Variants in LRBA observed in about 807,000 individuals in gnomAD.
The protein encoded by LRBA is LPS responsive beige-like anchor protein.
In LRBA, 176 loss-of-function variants were observed where a neutral mutation model predicts 330.0. The ratio of observed to expected loss-of-function variants is 0.53; its 90% CI spans 0.47 to 0.60. The LOEUF (loss-of-function observed/expected upper bound fraction) is 0.60. Ranked by LOEUF, LRBA falls within the 20% of genes least tolerant of loss-of-function variation. The pLI is 0.00. For missense variants in LRBA, 3,259 were observed against 3,444.8 expected (o/e 0.95, Z 1.35); for synonymous variants, 1,230 against 1,193.0 (o/e 1.03, Z -0.64).
intron 40 of LRBA, among the ~76,000 whole-genome samples, chr4:150,553,457 A>C (rs1006369568): frequency 6.6e-6 from 1 of 152,032 alleles, no homozygotes; most frequent in Non-Finnish European, 1.5e-5. Context: ...CCTAGAACTT[A>C]AAGTACAAAA....
chr4:150,287,568 C>T (rs1363329031), intron 53 of LRBA, among the ~76,000 whole-genome samples: 2 of 152,200 alleles, frequency 1.3e-5, no homozygotes, highest in Admixed American at 6.5e-5. Context: ...TACCAGAGTA[C>T]ATAATGCACG....
intron 48 of LRBA, among the ~76,000 whole-genome samples, chr4:150,347,367 CA>C (rs975284906): frequency 6.6e-6 from 1 of 152,014 alleles, no homozygotes. Flanking sequence ...TAAAAATGGC[CA>C]GGGGCAGTGG....
chr4:150,290,982 T>A (rs1175536363), intron 53 of LRBA, among the ~76,000 whole-genome samples: 1 of 152,046 alleles, frequency 6.6e-6, no homozygotes, highest in East Asian at 1.9e-4. Context: ...ATACTTTAAG[T>A]TTTAGGGTAC....
intron 34 of LRBA, among the ~76,000 whole-genome samples, chr4:150,768,481 A>C (rs910895498): frequency 9.2e-5 from 14 of 152,210 alleles, no homozygotes; most frequent in Non-Finnish European, 2.9e-5. Flanking sequence ...GAAAAGTTAT[A>C]ATTAAGGAAA....
chr4:150,490,804 C>A, intron 41 of LRBA, 114 bp downstream of exon 41: 1 of 522,212 alleles, frequency 1.9e-6, no homozygotes, highest in East Asian at 3.0e-5. Flanking sequence ...GTCACTAGAA[C>A]AGAAGGTGGG....
At chr4:150,427,618 A>C (rs964140539) in intron 46 of LRBA, among the ~76,000 whole-genome samples, 6 of 152,032 alleles carry the variant, frequency 3.9e-5, no homozygotes, top group Admixed American at 3.9e-4. Context: ...AGGAATGAGC[A>C]CTTAAGTTGA....
chr4:150,754,434 T>C (rs934943113), intron 35 of LRBA, among the ~76,000 whole-genome samples: 3 of 143,218 alleles, frequency 2.1e-5, no homozygotes, highest in Admixed American at 7.6e-5. Context: ...ACTAATACAA[T>C]CCAGGATTGA....
chr4:150,925,671 G>A (rs1236617773), intron 4 of LRBA, among the ~76,000 whole-genome samples: 1 of 152,062 alleles, frequency 6.6e-6, no homozygotes, highest in African/African-American at 2.4e-5. Context: ...ATGATTTTGT[G>A]TTCATTTGGT....
intron 2 of LRBA, among the ~76,000 whole-genome samples, chr4:150,967,861 T>C (rs955871622): frequency 2.6e-5 from 4 of 152,214 alleles, no homozygotes; most frequent in Admixed American, 6.5e-5. Context: ...ATGTGTTCTA[T>C]AGCTCTACCA....
chr4:150,555,006 G>C (rs150249213), intron 40 of LRBA, among the ~76,000 whole-genome samples: 1 of 152,114 alleles, frequency 6.6e-6, no homozygotes, highest in East Asian at 1.9e-4. Flanking sequence ...GGAAGGATAC[G>C]ATAGTTGTAA....
rs1303625024 is a variant in LRBA at position 150,908,843 on chromosome 4, G to T, written c.1176C>A (p.Phe392Leu). 5.0e-6 allele frequency: 8 copies of T among 1,610,544 alleles called. No individual in the cohort carries two copies. The highest frequency in any genetic ancestry group is 6.8e-6 in the Non-Finnish European group (8 of 1,177,504). Residue 392 changes from phenylalanine to leucine, a missense_variant, in exon 10 of 57, where the codon TTC becomes TTA. Coordinates refer to ENST00000651943, the MANE Select transcript of LRBA (RefSeq NM_001364905.1). ...LGLGYKGTFKFKAESDLFLAE... is the reference protein window; with the variant it reads ...LGLGYKGTFKLKAESDLFLAE... ...CAAGGAAAAGGTCGCTTTCTGCTTTGAATTTAAATGTACCCTAAGAATTAA... is the reference window on the plus strand; with the variant it reads ...CAAGGAAAAGGTCGCTTTCTGCTTTTAATTTAAATGTACCCTAAGAATTAA...
chr4:150,673,077 T>C (rs1782211017), intron 37 of LRBA, among the ~76,000 whole-genome samples: 1 of 152,148 alleles, frequency 6.6e-6, no homozygotes, highest in Admixed American at 6.5e-5. Flanking sequence ...AGTTGTATAC[T>C]CTTAAGCAAA....
At chr4:150,647,654 A>G (rs1436759668) in intron 37 of LRBA, among the ~76,000 whole-genome samples, 1 of 151,822 alleles carries the variant, frequency 6.6e-6, no homozygotes, top group Non-Finnish European at 1.5e-5. Context: ...CCACCTCCTT[A>G]AATGCTGGGA....
chr4:150,774,141 G>C (rs1210035953), intron 34 of LRBA, among the ~76,000 whole-genome samples: 1 of 152,082 alleles, frequency 6.6e-6, no homozygotes, highest in Non-Finnish European at 1.5e-5. Context: ...AGGATGTTTT[G>C]TTTAATTAAA....
At chr4:150,720,045 T>C (rs1277544964) in intron 36 of LRBA, among the ~76,000 whole-genome samples, 1 of 152,134 alleles carries the variant, frequency 6.6e-6, no homozygotes, top group Non-Finnish European at 1.5e-5. Context: ...TGATAGGCCA[T>C]AGGATATTCT....
At chr4:150,364,161 A>G (rs1484166792) in intron 47 of LRBA, among the ~76,000 whole-genome samples, 2 of 152,204 alleles carry the variant, frequency 1.3e-5, no homozygotes, top group Non-Finnish European at 2.9e-5. Context: ...AAAGCTCAAG[A>G]AAGTCAGTAT....
chr4:150,697,341 A>AAAAAAAAAAC (rs1561527626), intron 36 of LRBA, among the ~76,000 whole-genome samples: 2 of 148,160 alleles, frequency 1.3e-5, no homozygotes, highest in African/African-American at 4.9e-5. Flanking sequence ...AAAAAAAAAA[A>AAAAAAAAAAC]AAAAAAAAAA....
At chr4:150,283,038 C>A (rs1027185857) in intron 54 of LRBA, among the ~76,000 whole-genome samples, 2 of 152,212 alleles carry the variant, frequency 1.3e-5, no homozygotes, top group Non-Finnish European at 2.9e-5. Flanking sequence ...TACACTAAGA[C>A]CTCTCCCTGC....
intron 2 of LRBA, among the ~76,000 whole-genome samples, chr4:150,956,120 T>C (rs1004913812): frequency 6.7e-6 from 1 of 148,714 alleles, no homozygotes; most frequent in Non-Finnish European, 1.5e-5. Flanking sequence ...AAAATGAAAT[T>C]GACAGATTTT....
Sources: gnomAD v4.1 joint callset for allele counts (sites outside exome capture counted in the v4.1 genomes callset) on GRCh38, gnomAD v4.1.1 for gene constraint, MANE v1.5 for transcripts, NCBI Gene and HGNC (gene_info 2026-07-23, HGNC 2026-07-21) for gene names.